The following UNC5C variants were observed in gnomAD, a reference collection of about 807,000 sequenced individuals.
UNC5C encodes the protein netrin receptor UNC5C.
UNC5C carries 47 observed loss-of-function variants against 99.8 expected under a neutral mutation model. The observed-to-expected ratio is 0.47, with a 90% CI of 0.37 to 0.60. The LOEUF (loss-of-function observed/expected upper bound fraction) is 0.60, where lower values mean the gene tolerates loss of function less well. Ranked by LOEUF, UNC5C falls within the 20% of genes least tolerant of loss-of-function variation. The pLI, the probability that UNC5C is intolerant of heterozygous loss-of-function variation, is 0.00. For synonymous variants in UNC5C, 487 were observed against 452.2 expected, an observed-to-expected ratio of 1.08 and a Z score of -0.98; for missense variants, 1,062 against 1,165.9, an observed-to-expected ratio of 0.91 and a Z score of 1.30.
At chr4:95,361,066 C>G (rs531255294) in intron 1 of UNC5C, among the ~76,000 whole-genome samples, 1 of 152,162 alleles carries the variant, frequency 6.6e-6, no homozygotes, top group Non-Finnish European at 1.5e-5. Flanking sequence ...TATCATTTTC[C>G]CAAAGTTTGA....
chr4:95,536,011 G>A (rs1240171964), intron 1 of UNC5C, among the ~76,000 whole-genome samples: 1 of 150,154 alleles, frequency 6.7e-6, no homozygotes. Context: ...AAATAATCAA[G>A]TAAGGATCAA....
At chr4:95,358,139 T>C (rs774218571) in intron 1 of UNC5C, among the ~76,000 whole-genome samples, 5 of 152,154 alleles carry the variant, frequency 3.3e-5, no homozygotes, top group Admixed American at 1.3e-4. Context: ...GCTTTGGTAA[T>C]GTTTACATGG....
intron 1 of UNC5C, among the ~76,000 whole-genome samples, chr4:95,454,053 G>A (rs1015903332): frequency 6.6e-6 from 1 of 152,012 alleles, no homozygotes; most frequent in South Asian, 2.1e-4. Flanking sequence ...GATGTTCTGC[G>A]GGGTTAAAAA....
chr4:95,478,067 T>A (rs139257172), intron 1 of UNC5C, among the ~76,000 whole-genome samples: 17 of 151,990 alleles, frequency 1.1e-4, no homozygotes, highest in African/African-American at 4.1e-4. Context: ...TATTACTAGG[T>A]TTTTTAGCTC....
At chr4:95,202,635 G>GCA (rs1165989441) in intron 12 of UNC5C, 96 bp downstream of exon 12, 2 of 1,198,628 alleles carry the variant, frequency 1.7e-6, no homozygotes, top group South Asian at 1.4e-5. Flanking sequence ...ACACTTGGGT[G>GCA]CACACACACA....
intron 2 of UNC5C, among the ~76,000 whole-genome samples, chr4:95,327,018 G>A (rs982865080): frequency 2.0e-5 from 3 of 152,066 alleles, no homozygotes; most frequent in Non-Finnish European, 4.4e-5. Context: ...AACCAGGTTT[G>A]ATTTTTTCAA....
At chr4:95,256,336 A>G (rs1051471158) in intron 4 of UNC5C, among the ~76,000 whole-genome samples, 5 of 152,062 alleles carry the variant, frequency 3.3e-5, no homozygotes, top group Non-Finnish European at 7.4e-5. Context: ...CCGCCTTTCC[A>G]AACCTGCTCC....
chr4:95,471,928 A>G (rs1002491258), intron 1 of UNC5C, among the ~76,000 whole-genome samples: 1 of 152,096 alleles, frequency 6.6e-6, no homozygotes, highest in African/African-American at 2.4e-5. Flanking sequence ...TTAGGCCTCA[A>G]GTGTCTCTGT....
chr4:95,237,290 T>C (rs1739154555), intron 7 of UNC5C, among the ~76,000 whole-genome samples: 1 of 152,168 alleles, frequency 6.6e-6, no homozygotes, highest in Non-Finnish European at 1.5e-5. Flanking sequence ...AATTATTGGG[T>C]CAAAGGGTAT....
intron 1 of UNC5C, among the ~76,000 whole-genome samples, chr4:95,339,918 T>C (rs1291494309): frequency 6.6e-6 from 1 of 152,154 alleles, no homozygotes; most frequent in African/African-American, 2.4e-5. Context: ...TTATTCATTT[T>C]ACCCTCCTCT....
chr4:95,392,480 A>T (rs532591366), intron 1 of UNC5C, among the ~76,000 whole-genome samples: 1 of 151,352 alleles, frequency 6.6e-6, no homozygotes, highest in South Asian at 2.1e-4. Flanking sequence ...CACCTGGGCC[A>T]GAGTGCAATG....
chr4:95,430,145 T>C (rs1404416184), intron 1 of UNC5C, among the ~76,000 whole-genome samples: 2 of 152,044 alleles, frequency 1.3e-5, no homozygotes, highest in Non-Finnish European at 2.9e-5. Context: ...TGAACCCTAA[T>C]GTAAACTGTG....
At position 95,166,416 on chromosome 4, in the gene UNC5C, T is replaced by A. The variant is rs1412149635; in HGVS notation, c.*2818A>T. ...AACATTAAGGGTTCTGACAGATGAG[T>A]ACCTCACACACGAAATCAATCACTT... On this transcript the variant is annotated 3_prime_UTR_variant, in exon 16 of 16. Coordinates refer to ENST00000453304, the MANE Select transcript of UNC5C (RefSeq NM_003728.4). 4 of 152,220 alleles carry A rather than the reference T, an allele frequency of 2.6e-5. No individual in the cohort carries two copies. The highest frequency in any genetic ancestry group is 9.7e-5 in the African/African-American group (4 of 41,448). The allele number at this position is 152,220 out of a possible 1,614,324, so 9.4% of individuals were successfully genotyped here. A position where few individuals can be genotyped will look rare whatever the true frequency, so the allele number is the denominator to read the frequency against.
rs1177740376 is a variant in UNC5C at position 95,446,376 on chromosome 4, A to G, written c.124+102358T>C. ...GTGATAGACTCTGAGGGACTACTTA[A>G]TATTACAATACAAATTCTTACATAC... On this transcript the variant is annotated intron_variant, in intron 1 of 15. Transcript: ENST00000453304. Among the ~76,000 whole-genome samples the G allele has an allele frequency of 2.0e-5, 3 of 152,188 alleles. No homozygotes were observed. In the East Asian group the frequency reaches 5.8e-4, roughly 29 times the overall value.
At chr4:95,352,961 C>T (rs760105915) in intron 1 of UNC5C, among the ~76,000 whole-genome samples, 1 of 152,120 alleles carries the variant, frequency 6.6e-6, no homozygotes, top group Non-Finnish European at 1.5e-5. Flanking sequence ...GCATTCCACA[C>T]AACATGGCCC....
At chr4:95,309,816 C>T (rs1742212606) in intron 2 of UNC5C, among the ~76,000 whole-genome samples, 1 of 152,128 alleles carries the variant, frequency 6.6e-6, no homozygotes, top group East Asian at 1.9e-4. Flanking sequence ...GGAACCCTTG[C>T]ACTCTGTTGG....
chr4:95,544,325 T>C (rs1578219357), intron 1 of UNC5C, among the ~76,000 whole-genome samples: 1 of 152,270 alleles, frequency 6.6e-6, no homozygotes, highest in East Asian at 1.9e-4. Context: ...AAACTTGCAT[T>C]AAATCTAAGT....
At chr4:95,372,448 C>A (rs1007195530) in intron 1 of UNC5C, among the ~76,000 whole-genome samples, 4 of 152,130 alleles carry the variant, frequency 2.6e-5, no homozygotes, top group Non-Finnish European at 4.4e-5. Flanking sequence ...TGGATGACAT[C>A]CCCTATCACA....
chr4:95,217,096 TC>T (rs2149366829), intron 9 of UNC5C, among the ~76,000 whole-genome samples: 1 of 152,284 alleles, frequency 6.6e-6, no homozygotes, highest in South Asian at 2.1e-4. Context: ...TTCCTTCAGC[TC>T]CATACAAATT....
Sources: gnomAD v4.1 joint callset for allele counts (sites outside exome capture counted in the v4.1 genomes callset) on GRCh38, gnomAD v4.1.1 for gene constraint, MANE v1.5 for transcripts, NCBI Gene and HGNC (gene_info 2026-07-23, HGNC 2026-07-21) for gene names.